ZBTB20: variants seen among roughly 807,000 people sequenced by gnomAD.
The protein encoded by ZBTB20 is zinc finger and BTB domain containing 20, also known as zinc finger and BTB domain-containing protein 20.
In ZBTB20, 9 loss-of-function variants were observed where a neutral mutation model predicts 56.9. The ratio of observed to expected loss-of-function variants is 0.16; its 90% CI spans 0.10 to 0.28. The LOEUF is 0.28. ZBTB20 is among the 10% of genes least tolerant of loss of function. ZBTB20 has a pLI of 1.00. For synonymous variants in ZBTB20, 417 were observed against 420.7 expected, an observed-to-expected ratio of 0.99 and a Z score of 0.11; for missense variants, 655 against 1,003.0, an observed-to-expected ratio of 0.65 and a Z score of 4.69.
chr3:114,640,309 G>A (rs2059491664), intron 6 of ZBTB20, among the ~76,000 whole-genome samples: 2 of 152,052 alleles, frequency 1.3e-5, no homozygotes, highest in African/African-American at 4.8e-5. Context: ...TTCTCAGCAG[G>A]TGGCACTCTT....
At chr3:114,594,370 G>C (rs2056117997) in intron 6 of ZBTB20, among the ~76,000 whole-genome samples, 1 of 150,706 alleles carries the variant, frequency 6.6e-6, no homozygotes, top group Non-Finnish European at 1.5e-5. Context: ...GGGTTCAAGT[G>C]ATTCCCCTGC....
chr3:115,080,752 A>G (rs536117662), intron 1 of ZBTB20, among the ~76,000 whole-genome samples: 1 of 152,328 alleles, frequency 6.6e-6, no homozygotes, highest in South Asian at 2.1e-4. Flanking sequence ...TATAATTTCA[A>G]TAGAAATGCC....
intron 4 of ZBTB20, among the ~76,000 whole-genome samples, chr3:114,844,453 T>C (rs2074559198): frequency 8.6e-6 from 1 of 116,556 alleles, no homozygotes; most frequent in Non-Finnish European, 1.6e-5. Context: ...CCCAGGAGTT[T>C]GAGGTTACAG....
At chr3:114,404,894 C>CA (rs1412856871) in intron 7 of ZBTB20, among the ~76,000 whole-genome samples, 1 of 152,118 alleles carries the variant, frequency 6.6e-6, no homozygotes, top group African/African-American at 2.4e-5. Context: ...GGACACAACT[C>CA]ACGACTAGCA....
intron 6 of ZBTB20, among the ~76,000 whole-genome samples, chr3:114,515,093 T>C (rs923401300): frequency 1.3e-5 from 2 of 152,188 alleles, no homozygotes; most frequent in African/African-American, 4.8e-5. Flanking sequence ...TGCCCTGTAA[T>C]GTGTTCATTC....
chr3:115,001,445 CT>C (rs1223797848), intron 2 of ZBTB20, among the ~76,000 whole-genome samples: 4 of 150,956 alleles, frequency 2.6e-5, no homozygotes, highest in Non-Finnish European at 4.4e-5. Context: ...AAATGGGGAG[CT>C]TTTTTTAAAT....
chr3:115,040,474 T>C (rs921801193), intron 2 of ZBTB20, among the ~76,000 whole-genome samples: 2 of 152,150 alleles, frequency 1.3e-5, no homozygotes, highest in Non-Finnish European at 2.9e-5. Context: ...AGGATTTAAC[T>C]AGATAGCAAG....
rs778829287 is a variant in ZBTB20 at position 114,338,993 on chromosome 3, G to T, written c.*12C>A. ...TTTTGTTTTGTTCATAAGAAAGAGAGAAAGATACTACTTATCCGTCAGACA... is the reference window on the plus strand; with the variant it reads ...TTTTGTTTTGTTCATAAGAAAGAGATAAAGATACTACTTATCCGTCAGACA... On this transcript the variant is annotated 3_prime_UTR_variant, in exon 12 of 12. Coordinates refer to ENST00000675478, the MANE Select transcript of ZBTB20 (RefSeq NM_001348800.3). 6.7e-7 allele frequency: 1 copy of T among 1,492,406 alleles called. No individual in the cohort carries two copies. The highest frequency in any genetic ancestry group is 1.4e-5 in the South Asian group (1 of 69,848). 92.4% of individuals were successfully genotyped at this position (1,492,406 alleles called of 1,614,324 possible).
At chr3:114,637,707 T>C (rs952745920) in intron 6 of ZBTB20, among the ~76,000 whole-genome samples, 5 of 152,136 alleles carry the variant, frequency 3.3e-5, no homozygotes, top group African/African-American at 1.2e-4. Context: ...AGGAATAAGA[T>C]ACAAATAAGA....
At chr3:115,051,059 C>A (rs562103690) in intron 2 of ZBTB20, among the ~76,000 whole-genome samples, 26 of 152,040 alleles carry the variant, frequency 1.7e-4, no homozygotes, top group Middle Eastern at 3.4e-3. Context: ...AATGATTTAA[C>A]GGAAATTTTA....
chr3:114,550,590 T>G (rs1559947398), intron 6 of ZBTB20, among the ~76,000 whole-genome samples: 1 of 152,172 alleles, frequency 6.6e-6, no homozygotes, highest in East Asian at 1.9e-4. Flanking sequence ...TAATGCTTTT[T>G]GGGGGGTTGT....
chr3:114,729,524 C>G (rs2065565291), intron 5 of ZBTB20, among the ~76,000 whole-genome samples: 1 of 152,074 alleles, frequency 6.6e-6, no homozygotes, highest in Non-Finnish European at 1.5e-5. Context: ...TACTTTTATA[C>G]ATATATCTTC....
intron 2 of ZBTB20, among the ~76,000 whole-genome samples, chr3:115,067,335 A>C (rs1445973288): frequency 6.6e-6 from 1 of 152,066 alleles, no homozygotes; most frequent in Non-Finnish European, 1.5e-5. Context: ...TGAGGCCAAT[A>C]ATTCAATGAT....
intron 3 of ZBTB20, among the ~76,000 whole-genome samples, chr3:114,926,987 C>T (rs1210780828): frequency 6.6e-6 from 1 of 152,130 alleles, no homozygotes; most frequent in East Asian, 1.9e-4. Context: ...TCAATCAATC[C>T]TCCCTGCTTG....
intron 6 of ZBTB20, among the ~76,000 whole-genome samples, chr3:114,684,275 G>A (rs575702951): frequency 1.4e-4 from 21 of 152,250 alleles, no homozygotes; most frequent in Non-Finnish European, 2.5e-4. Context: ...AACGACTTTA[G>A]GGAGCTTTTC....
chr3:114,385,090 T>C (rs767489630), intron 8 of ZBTB20, among the ~76,000 whole-genome samples: 2 of 152,140 alleles, frequency 1.3e-5, no homozygotes, highest in Non-Finnish European at 2.9e-5. Context: ...TGCCTTTTAC[T>C]TATCAGCTTG....
At chr3:114,594,344 G>A (rs1171079756) in intron 6 of ZBTB20, among the ~76,000 whole-genome samples, 1 of 145,830 alleles carries the variant, frequency 6.9e-6, no homozygotes, top group Non-Finnish European at 1.5e-5. Flanking sequence ...TCAGCTCACT[G>A]CAACCTCCGC....
At chr3:114,542,243 A>T (rs1259969587) in intron 6 of ZBTB20, among the ~76,000 whole-genome samples, 1 of 152,192 alleles carries the variant, frequency 6.6e-6, no homozygotes, top group Non-Finnish European at 1.5e-5. Context: ...GCCATGCCCA[A>T]TATTTTCTTC....
intron 6 of ZBTB20, among the ~76,000 whole-genome samples, chr3:114,507,990 TA>T (rs1461200023): frequency 6.6e-6 from 1 of 152,164 alleles, no homozygotes; most frequent in African/African-American, 2.4e-5. Flanking sequence ...AGCGATTATC[TA>T]GAGTAAAACA....
Sources: gnomAD v4.1 joint callset for allele counts (sites outside exome capture counted in the v4.1 genomes callset) on GRCh38, gnomAD v4.1.1 for gene constraint, MANE v1.5 for transcripts, NCBI Gene and HGNC (gene_info 2026-07-23, HGNC 2026-07-21) for gene names.